Variants in SLC25A39 observed in about 807,000 individuals in gnomAD.
The protein encoded by SLC25A39 is solute carrier family 25 member 39, also known as mitochondrial glutathione transporter SLC25A39.
SLC25A39 carries 44 observed loss-of-function variants against 46.6 expected under a neutral mutation model. That is an observed-to-expected ratio of 0.94 (90% CI 0.74 to 1.21). The LOEUF is 1.21. Ranked by LOEUF, SLC25A39 falls within the 50% of genes most tolerant of loss-of-function variation. SLC25A39 has a pLI of 0.00. For synonymous variants in SLC25A39, 218 were observed against 190.6 expected (o/e 1.14, Z -1.19); for missense variants, 487 against 473.0 (o/e 1.03, Z -0.28).
At position 44,319,953 on chromosome 17, in the gene SLC25A39, C is replaced by T. The variant is rs1598337959; in HGVS notation, c.*48G>A. Reference sequence around the variant, plus strand: ...GGCACTTGGCTGGGTCTCCTCCTGCCCTCTCCCCATCCGTGGGAGAGACGG... The same window carrying T: ...GGCACTTGGCTGGGTCTCCTCCTGCTCTCTCCCCATCCGTGGGAGAGACGG... On this transcript the variant is annotated 3_prime_UTR_variant, in exon 12 of 12. Coordinates refer to ENST00000377095, the MANE Select transcript of SLC25A39 (RefSeq NM_001143780.3). The T allele has an allele frequency of 6.4e-7, 1 of 1,569,956 alleles. No homozygotes were observed. Among genetic ancestry groups the T allele is most frequent in the Non-Finnish European group, 8.8e-7 (1 of 1,140,942 alleles).
chr17:44,322,911 T>C, intron 3 of SLC25A39, 59 bp from the exon 4 acceptor site: 16 of 1,534,492 alleles, frequency 1.0e-5, no homozygotes, highest in Non-Finnish European at 1.4e-5. Context: ...AGGGACCCCA[T>C]CTCTGGGAGA....
At chr17:44,323,439 A>AACACCCCCCC in intron 2 of SLC25A39, 39 bp downstream of exon 2, 1 of 257,106 alleles carries the variant, frequency 3.9e-6, no homozygotes, top group South Asian at 5.2e-5. Flanking sequence ...GGTCTGCCCC[A>AACACCCCCCC]TCCCCACCCG....
chr17:44,319,886 G>T lies in SLC25A39; in HGVS notation c.*115C>A. On this transcript the variant is annotated 3_prime_UTR_variant, in exon 12 of 12. Coordinates refer to ENST00000377095, the MANE Select transcript of SLC25A39 (RefSeq NM_001143780.3). ...GCCCTGCCCTGGAGCTTGTCGCCGG[G>T]AGGGAAGGGAAACAAGCCCCCTCCC... The T allele has an allele frequency of 1.0e-6, 1 of 971,294 alleles. No homozygotes were observed. Among genetic ancestry groups the T allele is most frequent in the Non-Finnish European group, 1.6e-6 (1 of 640,222 alleles). The allele number at this position is 971,294 out of a possible 1,614,324, so 60.2% of individuals were successfully genotyped here. A position where few individuals can be genotyped will look rare whatever the true frequency, so the allele number is the denominator to read the frequency against.
At chr17:44,323,854 A>C in intron 1 of SLC25A39, 1 of 398,716 alleles carries the variant, frequency 2.5e-6, no homozygotes. Context: ...GTTGGCCAAG[A>C]TGATCTCGAT....
rs372409562 is a variant in SLC25A39 at position 44,321,193 on chromosome 17, G to A, written c.556C>T (p.Arg186Trp). The A allele has an allele frequency of 2.8e-5, 45 of 1,612,372 alleles. No homozygotes were observed. The highest frequency in any genetic ancestry group is 4.0e-5 in the African/African-American group (3 of 74,886). The change falls in exon 8 of 12, where the codon CGG becomes TGG. Residue 186 changes from arginine to tryptophan, a missense_variant. Arg to Trp is a moderately radical substitution (Grantham distance 101). Transcript: ENST00000377095. Reference sequence around the variant, plus strand: ...ACATGCTGAGCCTGCAGCTTTGTCCGCATAAGCTCCAGGGGGCTGATCACA... The same window carrying A: ...ACATGCTGAGCCTGCAGCTTTGTCCACATAAGCTCCAGGGGGCTGATCACA... ...VTVISPLELM[R>W]TKLQAQHVSY...
chr17:44,321,007 G>A (rs1211483990), intron 8 of SLC25A39, 51 bp downstream of exon 8: 2 of 1,524,620 alleles, frequency 1.3e-6, no homozygotes, highest in Admixed American at 2.1e-5. Context: ...TAGACCCTTT[G>A]TGCATCACCC....
Position 44,319,880 on chromosome 17 carries a change from C to A in SLC25A39, c.*121G>T. On this transcript the variant is annotated 3_prime_UTR_variant, in exon 12 of 12. Transcript: ENST00000377095. Reference sequence around the variant, plus strand: ...GGGACAGCCCTGCCCTGGAGCTTGTCGCCGGGAGGGAAGGGAAACAAGCCC... The same window carrying A: ...GGGACAGCCCTGCCCTGGAGCTTGTAGCCGGGAGGGAAGGGAAACAAGCCC... 1.1e-6 allele frequency: 1 copy of A among 904,552 alleles called. No homozygotes were observed. Among genetic ancestry groups the A allele is most frequent in the Non-Finnish European group, 1.7e-6 (1 of 587,322 alleles). 56.0% of individuals were successfully genotyped at this position (904,552 alleles called of 1,614,324 possible). A position where few individuals can be genotyped will look rare whatever the true frequency, so the allele number is the denominator to read the frequency against.
rs1359340692 is a variant in SLC25A39 at position 44,324,793 on chromosome 17, C to G, written c.-98G>C. Reference sequence around the variant, plus strand: ...GGCTCCGCCGCCTGTGCGCGGTCCGCGCGCGCTCGCAGCGCACCTAGGCCG... The same window carrying G: ...GGCTCCGCCGCCTGTGCGCGGTCCGGGCGCGCTCGCAGCGCACCTAGGCCG... On this transcript the variant is annotated 5_prime_UTR_variant, in exon 1 of 12. Coordinates refer to ENST00000377095, the MANE Select transcript of SLC25A39 (RefSeq NM_001143780.3). 1 of 152,056 alleles carries G rather than the reference C, an allele frequency of 6.6e-6. No individual in the cohort carries two copies. The highest frequency in any genetic ancestry group is 1.5e-5 in the Non-Finnish European group (1 of 68,024). 9.4% of individuals were successfully genotyped at this position (152,056 alleles called of 1,614,324 possible).
chr17:44,320,533 A>G (rs548595895), intron 9 of SLC25A39, 89 bp downstream of exon 9: 159 of 1,575,598 alleles, frequency 1.0e-4, no homozygotes, highest in African/African-American at 1.6e-4. Flanking sequence ...CAAAGGCCTC[A>G]TGGGGTCTGC....
chr17:44,321,277 G>T (rs750824877), intron 7 of SLC25A39, 46 bp from the exon 8 acceptor site: 2 of 1,583,512 alleles, frequency 1.3e-6, no homozygotes, highest in South Asian at 1.2e-5. Flanking sequence ...GAGATCACAG[G>T]TCTTACATGG....
intron 2 of SLC25A39, 39 bp downstream of exon 2, chr17:44,323,439 A>ACACCCCCCCCCCCCCCCC: frequency 7.8e-6 from 2 of 257,104 alleles, no homozygotes; most frequent in Admixed American, 9.6e-5. Context: ...GGTCTGCCCC[A>ACACCCCCCCCCCCCCCCC]TCCCCACCCG....
intron 4 of SLC25A39, 35 bp from the exon 5 acceptor site, chr17:44,322,587 TCCTAGAA>T (rs759776498): frequency 1.2e-6 from 2 of 1,608,320 alleles, no homozygotes; most frequent in South Asian, 2.2e-5. Context: ...AATGACAGGA[TCCTAGAA>T]CCTTGCAGGG....
chr17:44,321,255 A>G (rs760544165), intron 7 of SLC25A39, 24 bp from the exon 8 acceptor site: 6 of 1,593,594 alleles, frequency 3.8e-6, no homozygotes, highest in Non-Finnish European at 3.4e-6. Context: ...GGGGGTGACA[A>G]TGGGGAGAAG....
In SLC25A39 at chr17:44,324,787, G is replaced by T. The variant is rs924199995; in HGVS notation, c.-92C>A. On this transcript the variant is annotated 5_prime_UTR_variant, in exon 1 of 12. Coordinates refer to ENST00000377095, the MANE Select transcript of SLC25A39 (RefSeq NM_001143780.3). ...CATACCGGCTCCGCCGCCTGTGCGCGGTCCGCGCGCGCTCGCAGCGCACCT... is the reference window on the plus strand; with the variant it reads ...CATACCGGCTCCGCCGCCTGTGCGCTGTCCGCGCGCGCTCGCAGCGCACCT... 1.3e-5 allele frequency: 2 copies of T among 152,124 alleles called. No individual in the cohort carries two copies. Among genetic ancestry groups the T allele is most frequent in the Middle Eastern group, 3.4e-3 (1 of 296 alleles). 9.4% of individuals were successfully genotyped at this position (152,124 alleles called of 1,614,324 possible). A position where few individuals can be genotyped will look rare whatever the true frequency, so the allele number is the denominator to read the frequency against.
chr17:44,320,371 C>G lies in SLC25A39; in HGVS notation c.867G>C (p.Ala289=), dbSNP rs767200003. ...GGCCCTCACCTCTCACAGCCTCCAT[C>G]GCTCCCAGAGCGACCTGGCGTTGGG... ...VKTQRQVALG[A]MEAVRVNPLH... Residue 289 remains alanine (A), a synonymous_variant, in exon 10 of 12, where the codon GCG becomes GCC. Transcript: ENST00000377095. 6.2e-7 allele frequency: 1 copy of G among 1,613,628 alleles called. No homozygotes were observed. The highest frequency in any genetic ancestry group is 8.5e-7 in the Non-Finnish European group (1 of 1,180,034).
chr17:44,322,949 G>T, intron 3 of SLC25A39, 97 bp from the exon 4 acceptor site: 1 of 1,319,620 alleles, frequency 7.6e-7, no homozygotes, highest in Non-Finnish European at 1.1e-6. Flanking sequence ...TTGAGATGGA[G>T]TCTTGCTCTG....
intron 5 of SLC25A39, 21 bp from the exon 6 acceptor site, chr17:44,321,788 C>T (rs1335306673): frequency 1.9e-6 from 3 of 1,605,794 alleles, no homozygotes; most frequent in Admixed American, 1.7e-5. Context: ...AGGCACCAGC[C>T]CAGGGGAAGA....
chr17:44,320,031 C>T lies in SLC25A39; in HGVS notation c.1050G>A (p.Arg350=), dbSNP rs1469662315. ...CGCCCAGAAGCCGGTCCTGGTTCAG[C>T]CTCTGGAAGAAGCTTTTGCCGAACT... ...TYEFGKSFFQ[R]LNQDRLLGG Residue 350 remains arginine (R), a synonymous_variant, in exon 12 of 12, where the codon AGG becomes AGA. Transcript: ENST00000377095. 6.2e-7 allele frequency: 1 copy of T among 1,614,022 alleles called. No homozygotes were observed. Among genetic ancestry groups the T allele is most frequent in the South Asian group, 1.1e-5 (1 of 91,084 alleles).
rs2048101502 is a variant in SLC25A39, at chr17:44,322,982, G to A, written c.146-130C>T. 1.1e-5 allele frequency: 11 copies of A among 1,020,726 alleles called. No individual in the cohort carries two copies. The East Asian group carries it at 2.6e-4, about 24-fold the overall frequency. The allele number at this position is 1,020,726 out of a possible 1,614,324, so 63.2% of individuals were successfully genotyped here. A position where few individuals can be genotyped will look rare whatever the true frequency, so the allele number is the denominator to read the frequency against. On this transcript the variant is annotated intron_variant, in intron 3 of 11. Coordinates refer to ENST00000377095, the MANE Select transcript of SLC25A39 (RefSeq NM_001143780.3). ...CTGTCGCCCACCCTGGAGCATAGTG[G>A]CACAATCTCAGCTCACTGCAACCTC...
Sources: gnomAD v4.1 joint callset for allele counts on GRCh38, gnomAD v4.1.1 for gene constraint, MANE v1.5 for transcripts, NCBI Gene and HGNC (gene_info 2026-07-23, HGNC 2026-07-21) for gene names.